The following FBXL19 variants were observed in gnomAD, a reference collection of about 807,000 sequenced individuals.
FBXL19 encodes F-box and leucine rich repeat protein 19.
Under a neutral mutation model 71.2 loss-of-function variants are expected in FBXL19, and 16 were observed. The observed-to-expected ratio is 0.22, with a 90% CI of 0.15 to 0.34. The LOEUF is 0.34. Among genes scored for constraint, FBXL19 ranks in the 10% least tolerant of loss-of-function variants. The probability of loss-of-function intolerance (pLI) is 1.00; values close to 1 mark genes in which losing one functional copy is unlikely to be tolerated. For synonymous variants in FBXL19, 447 were observed against 409.4 expected (o/e 1.09, Z -1.11); for missense variants, 658 against 968.2 (o/e 0.68, Z 4.25).
chr16:30,930,458 A>G lies in FBXL19; in HGVS notation c.1175A>G (p.Asp392Gly). ...CCCCCGCCTCGAAGCCCTGAGCCCG[A>G]CACACTCCCCTTGGCTGCTGGATCC... ...VRPPPRSPEP[D>G]TLPLAAGSDH... Residue 392 changes from aspartate (D) to glycine (G), a missense_variant, in exon 7 of 11, where the codon GAC becomes GGC. Physicochemically the swap from Asp to Gly is moderately conservative, Grantham distance 94. This residue lies in a region of FBXL19 where 447 missense variants were observed against 515.4 expected (regional missense o/e 0.87). Coordinates refer to ENST00000338343, the MANE Select transcript of FBXL19 (RefSeq NM_001382779.1). The surrounding 1 kb of genome is among the most constrained non-coding windows in gnomAD (Gnocchi z 8.5). 6.5e-7 allele frequency: 1 copy of G among 1,535,182 alleles called. No homozygotes were observed. The highest frequency in any genetic ancestry group is 8.7e-7 in the Non-Finnish European group (1 of 1,146,072).
At chr16:30,936,739 C>T (rs2055740968) in intron 7 of FBXL19, among the ~76,000 whole-genome samples, 1 of 149,350 alleles carries the variant, frequency 6.7e-6, no homozygotes, top group African/African-American at 2.5e-5. Context: ...AGCCAGCGCG[C>T]CCGACCTTTT....
chr16:30,926,638 G>A (rs933106258), intron 2 of FBXL19, among the ~76,000 whole-genome samples: 2 of 151,802 alleles, frequency 1.3e-5, no homozygotes, highest in Non-Finnish European at 1.5e-5. Flanking sequence ...TTTCCTGGTT[G>A]GTCTCTTCAC....
intron 7 of FBXL19, among the ~76,000 whole-genome samples, chr16:30,936,601 C>CTT (rs547272418): frequency 2.9e-3 from 339 of 118,180 alleles, no homozygotes; most frequent in Middle Eastern, 8.7e-3. Flanking sequence ...AATTTTTTTT[C>CTT]TTTTTTTTTT....
Position 30,930,606 on chromosome 16 carries a change from G to C in FBXL19, c.1301+22G>C. 1 of 1,410,656 alleles carries C rather than the reference G, an allele frequency of 7.1e-7. No individual in the cohort carries two copies. 87.4% of individuals were successfully genotyped at this position (1,410,656 alleles called of 1,614,324 possible). A position where few individuals can be genotyped will look rare whatever the true frequency, so the allele number is the denominator to read the frequency against. ...GCTGGTGAGTGGCCTGGACAGGCCT[G>C]CGTTCCGTGGCCAGCAGGCTTCCCG... On this transcript the variant is annotated intron_variant, in intron 7 of 10. Transcript: ENST00000338343. The surrounding 1 kb of genome is among the most constrained non-coding windows in gnomAD (Gnocchi z 8.5).
chr16:30,925,612 C>T lies in FBXL19; in HGVS notation c.-24-119C>T. The stretch of plus-strand genomic sequence containing the variant: ...CCAGATACACAGAAGGGGGTGACCT[C>T]CTTGTCCCCCTGAGGAAGAGGGCAG... On this transcript the variant is annotated intron_variant, in intron 1 of 10. Coordinates refer to ENST00000338343, the MANE Select transcript of FBXL19 (RefSeq NM_001382779.1). The surrounding 1 kb of genome is among the most constrained non-coding windows in gnomAD (Gnocchi z 5.0). 4 of 1,135,524 alleles carry T rather than the reference C, an allele frequency of 3.5e-6. No individual in the cohort carries two copies. Among genetic ancestry groups the T allele is most frequent in the Non-Finnish European group, 4.6e-6 (4 of 862,652 alleles). 70.3% of individuals were successfully genotyped at this position (1,135,524 alleles called of 1,614,324 possible). A position where few individuals can be genotyped will look rare whatever the true frequency, so the allele number is the denominator to read the frequency against.
intron 7 of FBXL19, among the ~76,000 whole-genome samples, chr16:30,932,220 A>G (rs1312999585): frequency 6.6e-6 from 1 of 152,236 alleles, no homozygotes; most frequent in Non-Finnish European, 1.5e-5. Context: ...CATTGTAGCC[A>G]GTATTTACTT....
rs1043384036 is a variant in FBXL19, at chr16:30,924,468, A to T, written c.-25+9A>T. ...CCCGGGACACGTGTGAGGTGGGTTC[A>T]TGCGGCTCCTCCTCACCCCCAGACC... On this transcript the variant is annotated intron_variant, in intron 1 of 10. Coordinates refer to ENST00000338343, the MANE Select transcript of FBXL19 (RefSeq NM_001382779.1). 10 of 425,824 alleles carry T rather than the reference A, an allele frequency of 2.3e-5. No individual in the cohort carries two copies. Among genetic ancestry groups the T allele is most frequent in the African/African-American group, 2.1e-4 (10 of 48,408 alleles). 26.4% of individuals were successfully genotyped at this position (425,824 alleles called of 1,614,324 possible).
rs752552735 is a variant in FBXL19, at chr16:30,942,075, G to C, written c.1302-41G>C. The stretch of plus-strand genomic sequence containing the variant: ...GCCTGGGAACTGTGGGCTGCTGAGA[G>C]CTGAGGGCTGAGGTCTCTGTCTCCC... On this transcript the variant is annotated intron_variant, in intron 7 of 10. Transcript: ENST00000338343. The surrounding 1 kb of genome is among the most constrained non-coding windows in gnomAD (Gnocchi z 5.7). 3.3e-5 allele frequency: 49 copies of C among 1,495,956 alleles called. No individual in the cohort carries two copies. The highest frequency in any genetic ancestry group is 4.2e-5 in the Non-Finnish European group (47 of 1,118,370). 92.7% of individuals were successfully genotyped at this position (1,495,956 alleles called of 1,614,324 possible). A position where few individuals can be genotyped will look rare whatever the true frequency, so the allele number is the denominator to read the frequency against.
At chr16:30,945,092 G>C (rs1199678261) in intron 9 of FBXL19, among the ~76,000 whole-genome samples, 1 of 152,160 alleles carries the variant, frequency 6.6e-6, no homozygotes, top group Admixed American at 6.6e-5. Flanking sequence ...AGTCATTAAG[G>C]AAGTTTTTAG....
chr16:30,928,066 G>A, intron 5 of FBXL19, 103 bp downstream of exon 5: 1 of 808,420 alleles, frequency 1.2e-6, no homozygotes, highest in Non-Finnish European at 1.9e-6. Context: ...CGTGCTCTGT[G>A]GGTTCCCCAA....
chr16:30,929,248 G>T (rs1470256780), intron 6 of FBXL19, among the ~76,000 whole-genome samples: 1 of 152,144 alleles, frequency 6.6e-6, no homozygotes. Flanking sequence ...AAGTCACTTT[G>T]TGCCTTTAAG....
In FBXL19 at chr16:30,930,559, C is replaced by T; in HGVS notation, c.1276C>T (p.Arg426Ter). 6.8e-7 allele frequency: 1 copy of T among 1,463,964 alleles called. No homozygotes were observed. Among genetic ancestry groups the T allele is most frequent in the Non-Finnish European group, 9.0e-7 (1 of 1,113,514 alleles). The allele number at this position is 1,463,964 out of a possible 1,614,324, so 90.7% of individuals were successfully genotyped here. The change falls in exon 7 of 11, where the codon CGA becomes TGA. Residue 426 changes from arginine (R) to a stop codon, truncating the protein, a stop_gained. Coordinates refer to ENST00000338343, the MANE Select transcript of FBXL19 (RefSeq NM_001382779.1). LOFTEE classifies it high-confidence loss of function. This position sits in a 1 kb window ranked among gnomAD's most constrained non-coding sequence, Gnocchi z 8.5. ...LGPRELCICM[R>*]VCRTWSRWCY... Reference sequence around the variant, plus strand: ...GCCGCGGGAGCTGTGTATCTGCATGCGAGTCTGCCGAACTTGGAGCCGCTG... The same window carrying T: ...GCCGCGGGAGCTGTGTATCTGCATGTGAGTCTGCCGAACTTGGAGCCGCTG...
At chr16:30,931,952 G>A (rs985442345) in intron 7 of FBXL19, among the ~76,000 whole-genome samples, 2 of 150,674 alleles carry the variant, frequency 1.3e-5, no homozygotes, top group Non-Finnish European at 3.0e-5. Flanking sequence ...TGTTGGCCAG[G>A]CTGGTCTTGA....
At position 30,946,842 on chromosome 16, in the gene FBXL19, C is replaced by T. The variant is rs781597320; in HGVS notation, c.1740C>T (p.Ser580=). The change falls in exon 10 of 11, where the codon AGC becomes AGT. Residue 580 remains serine, a synonymous_variant. Coordinates refer to ENST00000338343, the MANE Select transcript of FBXL19 (RefSeq NM_001382779.1). The surrounding 1 kb of genome is among the most constrained non-coding windows in gnomAD (Gnocchi z 6.7). ...TGCTGCGTCACGCACCCCAGCTGAG[C>T]GCCCTGGACCTGAGCCACTGCGCCC... is the stretch of plus-strand genomic sequence containing the variant. ...RLLLRHAPQL[S]ALDLSHCAHV... 4.5e-5 allele frequency: 73 copies of T among 1,612,026 alleles called. No homozygotes were observed. The highest frequency in any genetic ancestry group is 4.0e-4 in the South Asian group (36 of 90,856).
intron 3 of FBXL19, 24 bp downstream of exon 3, chr16:30,927,475 T>C (rs1409757963): frequency 1.2e-5 from 19 of 1,579,594 alleles, no homozygotes; most frequent in Non-Finnish European, 1.6e-5. Flanking sequence ...GACCCCGGCG[T>C]CTGGGGTGGG....
intron 7 of FBXL19, among the ~76,000 whole-genome samples, chr16:30,936,601 C>CTTTT (rs547272418): frequency 7.6e-5 from 9 of 118,166 alleles, no homozygotes; most frequent in East Asian, 2.4e-4. Flanking sequence ...AATTTTTTTT[C>CTTTT]TTTTTTTTTT....
At chr16:30,928,358 G>C (rs1476180180) in intron 5 of FBXL19, 109 bp from the exon 6 acceptor site, 5 of 1,195,638 alleles carry the variant, frequency 4.2e-6, no homozygotes, top group Middle Eastern at 2.3e-4. Context: ...CTGGGACGGG[G>C]GCTTCTGGGA....
rs2055561947 is a variant in FBXL19, at chr16:30,924,214, C to G, written c.-270C>G. Reference sequence around the variant, plus strand: ...GGCTGAGGGACTGAGCCTCCCAGAGCAGGACCTCCCCCTGGAAGGGCCGCG... The same window carrying G: ...GGCTGAGGGACTGAGCCTCCCAGAGGAGGACCTCCCCCTGGAAGGGCCGCG... On this transcript the variant is annotated 5_prime_UTR_variant, in exon 1 of 11. Coordinates refer to ENST00000338343, the MANE Select transcript of FBXL19 (RefSeq NM_001382779.1). 6.6e-6 allele frequency: 1 copy of G among 152,108 alleles called. No individual in the cohort carries two copies. The highest frequency in any genetic ancestry group is 6.5e-5 in the Admixed American group (1 of 15,284). 9.4% of individuals were successfully genotyped at this position (152,108 alleles called of 1,614,324 possible).
Position 30,930,666 on chromosome 16 carries a change from C to T in FBXL19, c.1301+82C>T. The T allele has an allele frequency of 7.4e-7, 1 of 1,347,952 alleles. No individual in the cohort carries two copies. The allele number at this position is 1,347,952 out of a possible 1,614,324, so 83.5% of individuals were successfully genotyped here. A position where few individuals can be genotyped will look rare whatever the true frequency, so the allele number is the denominator to read the frequency against. On this transcript the variant is annotated intron_variant, in intron 7 of 10. Transcript: ENST00000338343. This position sits in a 1 kb window ranked among gnomAD's most constrained non-coding sequence, Gnocchi z 8.5. ...TGACCTGCGGTAGGTCTCTGGCCCT[C>T]TCTGGGCCTTGCTTTTATATTGGGG...
Sources: allele counts gnomAD v4.1 joint callset (sites outside exome capture counted in the v4.1 genomes callset), GRCh38; gene constraint gnomAD v4.1.1; regional missense constraint gnomAD v4.1.1; non-coding constraint Gnocchi (gnomAD v3.1); transcripts MANE v1.5; gene names NCBI Gene and HGNC (gene_info 2026-07-23, HGNC 2026-07-21).